COL24A1: variants seen among roughly 807,000 people sequenced by gnomAD.
COL24A1 encodes collagen alpha-1(XXIV) chain.
COL24A1 carries 224 observed loss-of-function variants against 253.9 expected under a neutral mutation model. That is an observed-to-expected ratio of 0.88 (90% CI 0.79 to 0.99). The LOEUF is 0.99. Ranked by LOEUF, COL24A1 falls within the 50% of genes least tolerant of loss-of-function variation. The pLI, the probability that COL24A1 is intolerant of heterozygous loss-of-function variation, is 0.00. For missense variants in COL24A1, 2,131 were observed against 2,068.5 expected (o/e 1.03, Z -0.59); for synonymous variants, 685 against 673.7 (o/e 1.02, Z -0.26).
At chr1:85,894,713 C>A (rs1308497494) in intron 31 of COL24A1, among the ~76,000 whole-genome samples, 1 of 152,064 alleles carries the variant, frequency 6.6e-6, no homozygotes. Flanking sequence ...AAGTAATATT[C>A]TTTGAGGATA....
chr1:85,961,210 T>A, intron 24 of COL24A1, 39 bp downstream of exon 24: 1 of 1,442,438 alleles, frequency 6.9e-7, no homozygotes, highest in Middle Eastern at 1.7e-4. Context: ...TAAAAATGCT[T>A]ACAGCTGATT....
chr1:85,998,774 G>A (rs528868265), intron 19 of COL24A1, among the ~76,000 whole-genome samples: 2 of 152,266 alleles, frequency 1.3e-5, no homozygotes, highest in Admixed American at 6.5e-5. Context: ...AAAGATTTAG[G>A]CTCCTTAAAC....
chr1:86,077,280 A>C (rs572429326), intron 7 of COL24A1, among the ~76,000 whole-genome samples: 2 of 152,320 alleles, frequency 1.3e-5, no homozygotes, highest in Admixed American at 6.5e-5. Context: ...AATCAAAACC[A>C]CAATGAGATA....
At chr1:86,027,777 C>T (rs77091281) in intron 14 of COL24A1, among the ~76,000 whole-genome samples, 20,485 of 152,158 alleles carry the variant, frequency 0.13, 1,462 homozygotes, top group Middle Eastern at 0.23. Context: ...CTTCCAGACC[C>T]CAGAATGGTA....
chr1:85,734,833 C>T lies in COL24A1; in HGVS notation c.4914G>A (p.Leu1638=), dbSNP rs1268980420. ...WTSTQTSGPG[L]PIGFKGWNGQ... is the part of the protein sequence containing the mutation. ...CATTCCATCCCTTGAAACCAATAGG[C>T]AATCCTGGGCCACTTGTTTGTGTGC... The change falls in exon 59 of 60, where the codon TTG becomes TTA. Residue 1638 remains leucine (L), a synonymous_variant. Transcript: ENST00000370571. 3 of 1,614,030 alleles carry T rather than the reference C, an allele frequency of 1.9e-6. No individual in the cohort carries two copies. In the African/African-American group the frequency reaches 4.0e-5, roughly 22 times the overall value.
In COL24A1 at chr1:86,124,983, A is replaced by T; in HGVS notation, c.1353T>A (p.Gly451=). ...GATAAGTAGCATCAGGATAAAATTCACCTTCTTTCCTTAGATCAAGGTGAT... is the reference window on the plus strand; with the variant it reads ...GATAAGTAGCATCAGGATAAAATTCTCCTTCTTTCCTTAGATCAAGGTGAT... ...VDNHLDLRKE[G]EFYPDATYPI... The change falls in exon 3 of 60, where the codon GGT becomes GGA. Residue 451 remains glycine, a synonymous_variant. Coordinates refer to ENST00000370571, the MANE Select transcript of COL24A1 (RefSeq NM_152890.7). The T allele has an allele frequency of 1.9e-6, 3 of 1,613,214 alleles. No individual in the cohort carries two copies. The highest frequency in any genetic ancestry group is 2.5e-6 in the Non-Finnish European group (3 of 1,179,640).
chr1:86,038,919 T>G (rs1699240247), intron 12 of COL24A1, among the ~76,000 whole-genome samples: 1 of 152,102 alleles, frequency 6.6e-6, no homozygotes, highest in African/African-American at 2.4e-5. Context: ...CCTCATGAAT[T>G]AGAACCACCC....
chr1:86,041,165 G>A (rs1559094756), intron 12 of COL24A1, among the ~76,000 whole-genome samples: 1 of 152,136 alleles, frequency 6.6e-6, no homozygotes, highest in South Asian at 2.1e-4. Context: ...CCTTAAGGGT[G>A]TTATTTTGCC....
At chr1:86,054,524 G>T (rs979924808) in intron 10 of COL24A1, among the ~76,000 whole-genome samples, 6 of 151,838 alleles carry the variant, frequency 4.0e-5, no homozygotes, top group Non-Finnish European at 8.8e-5. Context: ...ACATATAAGC[G>T]GCCCCAAAAC....
intron 43 of COL24A1, among the ~76,000 whole-genome samples, chr1:85,831,656 C>T (rs1339237658): frequency 1.3e-5 from 2 of 151,952 alleles, no homozygotes; most frequent in Non-Finnish European, 2.9e-5. Context: ...AGTTGAATGG[C>T]CAAAGGAACT....
rs1285187288 is a variant in COL24A1, at chr1:85,730,317, A to G, written c.*229T>C. 8.6e-6 allele frequency: 3 copies of G among 349,428 alleles called. No homozygotes were observed. The highest frequency in any genetic ancestry group is 6.2e-5 in the African/African-American group (3 of 48,112). The allele number at this position is 349,428 out of a possible 1,614,324, so 21.6% of individuals were successfully genotyped here. A position where few individuals can be genotyped will look rare whatever the true frequency, so the allele number is the denominator to read the frequency against. ...TTTAGTTCTAGGGAATTCTCTAAGA[A>G]AGCTGAGATGAATATAATTTTTAAA... On this transcript the variant is annotated 3_prime_UTR_variant, in exon 60 of 60. Coordinates refer to ENST00000370571, the MANE Select transcript of COL24A1 (RefSeq NM_152890.7).
At position 85,955,335 on chromosome 1, in the gene COL24A1, C is replaced by T. The variant is rs1156974055; in HGVS notation, c.2562+5914G>A. Among the ~76,000 whole-genome samples the T allele has an allele frequency of 3.9e-5, 6 of 152,336 alleles. No individual in the cohort carries two copies. In the East Asian group the frequency reaches 1.2e-3, roughly 29 times the overall value. ...TCACTCAGTAAAACCTTGCACCCATCCTCCAAGCCCACATGTGATCTGATT... is the reference window on the plus strand; with the variant it reads ...TCACTCAGTAAAACCTTGCACCCATTCTCCAAGCCCACATGTGATCTGATT... On this transcript the variant is annotated intron_variant, in intron 24 of 59. Coordinates refer to ENST00000370571, the MANE Select transcript of COL24A1 (RefSeq NM_152890.7).
intron 2 of COL24A1, among the ~76,000 whole-genome samples, chr1:86,134,238 G>C (rs112236702): frequency 0.039 from 5,552 of 141,452 alleles, 157 homozygotes; most frequent in East Asian, 0.11. Flanking sequence ...ATTCTTCTCT[G>C]TTTTCTTCTT....
chr1:85,863,854 T>C (rs2102468710), intron 37 of COL24A1, among the ~76,000 whole-genome samples: 1 of 152,174 alleles, frequency 6.6e-6, no homozygotes, highest in Non-Finnish European at 1.5e-5. Flanking sequence ...TGAGATACCA[T>C]CTCACACCAC....
intron 28 of COL24A1, among the ~76,000 whole-genome samples, chr1:85,903,525 C>T (rs769563592): frequency 1.3e-5 from 2 of 151,980 alleles, no homozygotes; most frequent in South Asian, 2.1e-4. Flanking sequence ...TTAAAATAAC[C>T]GTTTAAAAAT....
At chr1:86,078,920 C>T (rs1702438567) in intron 7 of COL24A1, among the ~76,000 whole-genome samples, 1 of 152,058 alleles carries the variant, frequency 6.6e-6, no homozygotes, top group South Asian at 2.1e-4. Context: ...TATCAAAATA[C>T]CAGTAATATT....
chr1:85,918,441 T>C (rs1019665099), intron 24 of COL24A1, among the ~76,000 whole-genome samples: 3 of 152,202 alleles, frequency 2.0e-5, no homozygotes, highest in Non-Finnish European at 4.4e-5. Context: ...GTCTATCTTA[T>C]GATGATTTGT....
chr1:85,938,647 G>A (rs890459896), intron 24 of COL24A1, among the ~76,000 whole-genome samples: 2 of 145,802 alleles, frequency 1.4e-5, no homozygotes, highest in Non-Finnish European at 3.0e-5. Context: ...AGCAGAACAA[G>A]GAGTAGACTG....
intron 35 of COL24A1, among the ~76,000 whole-genome samples, chr1:85,873,828 T>TAAAAAA (rs10631015): frequency 6.7e-6 from 1 of 148,392 alleles, no homozygotes; most frequent in East Asian, 2.0e-4. Flanking sequence ...TTAAAATACA[T>TAAAAAA]AAAAAAAAAA....
Sources: allele counts gnomAD v4.1 joint callset (sites outside exome capture counted in the v4.1 genomes callset), GRCh38; gene constraint gnomAD v4.1.1; transcripts MANE v1.5; gene names NCBI Gene and HGNC (gene_info 2026-07-23, HGNC 2026-07-21).